The following PLAC1 variants were observed in gnomAD, a reference collection of about 807,000 sequenced individuals.
The protein encoded by PLAC1 is placenta-specific protein 1.
For synonymous variants in PLAC1, 68 were observed against 62.1 expected, an observed-to-expected ratio of 1.09 and a Z score of -0.44; for missense variants, 136 against 163.2, an observed-to-expected ratio of 0.83 and a Z score of 0.91.
At chrX:134,598,012 C>A (rs2078070144) in intron 2 of PLAC1, among the ~76,000 whole-genome samples, 1 of 111,500 alleles carries the variant, frequency 9.0e-6, no homozygotes, top group African/African-American at 3.3e-5. Context: ...CTCCACCTTT[C>A]TTGGTTGTCT....
At chrX:134,618,353 T>C (rs952676909) in intron 1 of PLAC1, among the ~76,000 whole-genome samples, 33 of 111,902 alleles carry the variant, frequency 2.9e-4, no homozygotes, top group African/African-American at 1.1e-3. Context: ...ACAGGTACCA[T>C]TGGCATTGCT....
At chrX:134,699,749 C>T (rs867715075) in intron 2 of PLAC1, among the ~76,000 whole-genome samples, 1 of 112,166 alleles carries the variant, frequency 8.9e-6, no homozygotes, top group Admixed American at 9.5e-5. Context: ...CATTAGCCAA[C>T]GTTATCTTTT....
intron 2 of PLAC1, among the ~76,000 whole-genome samples, chrX:134,713,753 G>A (rs1033532758): frequency 8.9e-6 from 1 of 112,077 alleles, no homozygotes; most frequent in Non-Finnish European, 1.9e-5. Flanking sequence ...CAGAGAAGAC[G>A]GGCCTAATTA....
rs1017680465 is a variant in PLAC1 at position 134,724,801 on chromosome X, G to C, written n.174+8634C>G. On this transcript the variant is annotated intron_variant and non_coding_transcript_variant, in intron 2 of 2. Coordinates refer to the PLAC1 transcript ENST00000466797. ...GGGGATCATTTGAGCCCAGGAATTC[G>C]AGACCAGCCTGGGCAAGATGACGAA... Among the ~76,000 whole-genome samples the C allele has an allele frequency of 2.7e-5, 3 of 111,622 alleles. No homozygotes were observed. The South Asian group carries it at 1.1e-3, about 42-fold the overall frequency.
intron 1 of PLAC1, among the ~76,000 whole-genome samples, chrX:134,759,356 G>T (rs375551841): frequency 1.4e-4 from 16 of 110,366 alleles, no homozygotes; most frequent in African/African-American, 5.3e-4. Flanking sequence ...TCAGCATATT[G>T]TCCGGGCTGG....
intron 1 of PLAC1, among the ~76,000 whole-genome samples, chrX:134,754,529 T>C (rs762244629): frequency 1.8e-5 from 2 of 111,411 alleles, no homozygotes; most frequent in African/African-American, 3.3e-5. Flanking sequence ...TCTGGGCTTG[T>C]AAAAATCAAG....
At chrX:134,585,198 A>ATT (rs2077993948) in intron 2 of PLAC1, among the ~76,000 whole-genome samples, 1 of 102,613 alleles carries the variant, frequency 9.7e-6, no homozygotes, top group Non-Finnish European at 2.0e-5. Context: ...AAAAAAAAAA[A>ATT]AGCCGGGCAT....
chrX:134,731,215 T>C (rs2078688003), intron 2 of PLAC1, among the ~76,000 whole-genome samples: 1 of 112,332 alleles, frequency 8.9e-6, no homozygotes, highest in South Asian at 3.7e-4. Context: ...ACCACTACTT[T>C]AGAGCTGTGC....
At chrX:134,569,978 C>G (rs907957206) in intron 2 of PLAC1, among the ~76,000 whole-genome samples, 32 of 110,228 alleles carry the variant, frequency 2.9e-4, no homozygotes, top group African/African-American at 9.2e-4. Context: ...GGCAGGCACC[C>G]GCCACCATGC....
chrX:134,641,309 G>A (rs2078306838), intron 1 of PLAC1, among the ~76,000 whole-genome samples: 1 of 111,594 alleles, frequency 9.0e-6, no homozygotes, highest in South Asian at 3.8e-4. Flanking sequence ...AGGCTGCCTG[G>A]CAGCATCAGT....
chrX:134,706,460 A>G (rs2078604995), intron 2 of PLAC1, among the ~76,000 whole-genome samples: 1 of 112,444 alleles, frequency 8.9e-6, no homozygotes, highest in East Asian at 2.8e-4. Flanking sequence ...AGGCCTGCTA[A>G]AACAGAAGAT....
chrX:134,603,439 G>A (rs901529199), intron 1 of PLAC1, among the ~76,000 whole-genome samples: 4 of 91,779 alleles, frequency 4.4e-5, no homozygotes, highest in Admixed American at 1.3e-4. Flanking sequence ...CCAGGTTCAC[G>A]CCATTCTCCT....
rs373357872 is a variant in PLAC1 at position 134,611,388 on chromosome X, T to C, written c.-130-9266A>G. On this transcript the variant is annotated intron_variant, in intron 1 of 2. Transcript: ENST00000359237. ...GAAGGTAGGCCTATTTTTAAATCTG[T>C]GCACTATCACTTATTAGCTGTCTGA... Among the ~76,000 whole-genome samples the C allele has an allele frequency of 3.6e-4, 39 of 109,151 alleles. No individual in the cohort carries two copies. The East Asian group carries it at 8.0e-3, about 22-fold the overall frequency. The allele number at this position is 109,151 out of a possible 115,157, so 94.8% of individuals were successfully genotyped here.
At chrX:134,575,613 C>CA (rs2077934551) in intron 2 of PLAC1, among the ~76,000 whole-genome samples, 1 of 109,257 alleles carries the variant, frequency 9.2e-6, no homozygotes, top group Non-Finnish European at 1.9e-5. Flanking sequence ...ATTAAAAATA[C>CA]AAAAAATTAG....
At chrX:134,612,815 A>AGCTGAATCTGT (rs1328640871) in intron 1 of PLAC1, among the ~76,000 whole-genome samples, 1 of 111,439 alleles carries the variant, frequency 9.0e-6, no homozygotes, top group Non-Finnish European at 1.9e-5. Context: ...GAGCCGGAGT[A>AGCTGAATCTGT]GCTGAATCTG....
intron 1 of PLAC1, among the ~76,000 whole-genome samples, chrX:134,641,997 C>T (rs181738696): frequency 2.7e-5 from 3 of 111,832 alleles, no homozygotes; most frequent in Admixed American, 1.9e-4. Context: ...GGGTGAGGTA[C>T]CCCAACCTTA....
intron 1 of PLAC1, among the ~76,000 whole-genome samples, chrX:134,636,117 A>G (rs979093226): frequency 1.8e-5 from 2 of 110,258 alleles, no homozygotes; most frequent in East Asian, 2.8e-4. Context: ...TATTGTTCCT[A>G]CCCCAAATCC....
chrX:134,668,839 C>A (rs1473679051), intron 2 of PLAC1, among the ~76,000 whole-genome samples: 3 of 112,711 alleles, frequency 2.7e-5, no homozygotes, highest in African/African-American at 9.7e-5. Flanking sequence ...AGGAGCCAAG[C>A]CCTCTCCCAC....
intron 2 of PLAC1, among the ~76,000 whole-genome samples, chrX:134,599,802 G>T (rs1469469540): frequency 9.0e-6 from 1 of 111,481 alleles, no homozygotes; most frequent in African/African-American, 3.3e-5. Flanking sequence ...GCTGACTCTA[G>T]CCCTTCACTC....
Sources: gnomAD v4.1 joint callset for allele counts (sites outside exome capture counted in the v4.1 genomes callset) on GRCh38, gnomAD v4.1.1 for gene constraint, MANE v1.5 for transcripts, NCBI Gene and HGNC (gene_info 2026-07-23, HGNC 2026-07-21) for gene names.